The following HMCN1 variants were observed in gnomAD, a reference collection of about 807,000 sequenced individuals.
HMCN1 encodes hemicentin 1.
Under a neutral mutation model 625.9 loss-of-function variants are expected in HMCN1, and 321 were observed. The ratio of observed to expected loss-of-function variants is 0.51; its 90% CI spans 0.47 to 0.56. The LOEUF is 0.56. Among genes scored for constraint, HMCN1 ranks in the 20% least tolerant of loss-of-function variants. The pLI, the probability that HMCN1 is intolerant of heterozygous loss-of-function variation, is 0.00. For missense variants in HMCN1, 6,588 were observed against 6,887.3 expected (o/e 0.96, Z 1.54); for synonymous variants, 2,425 against 2,417.6 (o/e 1.00, Z -0.09).
Position 186,151,622 on chromosome 1 carries a change from G to A in HMCN1, c.14775G>A (p.Lys4925=). 1.2e-6 allele frequency: 2 copies of A among 1,612,652 alleles called. No homozygotes were observed. Among genetic ancestry groups the A allele is most frequent in the Non-Finnish European group, 1.7e-6 (2 of 1,179,000 alleles). ...TTTCTTTAGGTTCAGCAATGAGAAA[G>A]ATAGTTTCTATTCTAAATCCCATTT... The part of the protein sequence containing the change: ...VPRSLGSAMR[K]IVSILNPIYW... Residue 4925 remains lysine, a synonymous_variant, in exon 95 of 107, where the codon AAG becomes AAA. Coordinates refer to ENST00000271588, the MANE Select transcript of HMCN1 (RefSeq NM_031935.3).
chr1:186,019,716 G>A (rs965783092), intron 35 of HMCN1, 21 bp downstream of exon 35: 45 of 1,596,712 alleles, frequency 2.8e-5, no homozygotes, highest in Middle Eastern at 1.7e-4. Context: ...ATATTACTCA[G>A]CCTAAACTGG....
In HMCN1 at chr1:185,933,745, CA is replaced by C. The variant is rs1256640835; in HGVS notation, c.1751del (p.Asn584ThrfsTer33). 2.5e-6 allele frequency: 4 copies of C among 1,613,828 alleles called. No individual in the cohort carries two copies. On this transcript the variant is annotated frameshift_variant, in exon 11 of 107. Transcript: ENST00000271588. LOFTEE classifies it high-confidence loss of function. ...LSLELKSVKF[N>X]DAGEYHCMVS... The stretch of plus-strand genomic sequence containing the variant: ...CATTGGAGCTAAAGAGTGTGAAATT[CA>C]ACGATGCTGGAGAGTATCATTGTAT...
chr1:185,910,904 A>G (rs1288244356), intron 5 of HMCN1, among the ~76,000 whole-genome samples: 1 of 152,122 alleles, frequency 6.6e-6, no homozygotes, highest in Non-Finnish European at 1.5e-5. Context: ...GAAGTAGTCC[A>G]TGGGAAAGTC....
intron 105 of HMCN1, among the ~76,000 whole-genome samples, chr1:186,185,353 C>T (rs1289755136): frequency 6.6e-6 from 1 of 152,124 alleles, no homozygotes; most frequent in Non-Finnish European, 1.5e-5. Flanking sequence ...AATTGAATTT[C>T]ACATTTTTCT....
At chr1:185,830,703 A>G (rs984672979) in intron 1 of HMCN1, among the ~76,000 whole-genome samples, 5 of 152,072 alleles carry the variant, frequency 3.3e-5, no homozygotes, top group Non-Finnish European at 7.4e-5. Flanking sequence ...ACTGGGTCAC[A>G]TGGCAAGACC....
At chr1:186,005,018 T>C (rs1230089695) in intron 29 of HMCN1, among the ~76,000 whole-genome samples, 1 of 151,218 alleles carries the variant, frequency 6.6e-6, no homozygotes, top group African/African-American at 2.5e-5. Context: ...ACACCATTGA[T>C]ATATTAAAAC....
intron 86 of HMCN1, among the ~76,000 whole-genome samples, chr1:186,135,512 C>T (rs1278131479): frequency 6.6e-6 from 1 of 152,134 alleles, no homozygotes; most frequent in African/African-American, 2.4e-5. Context: ...ATATGAATAT[C>T]CCTGTCATGT....
intron 1 of HMCN1, among the ~76,000 whole-genome samples, chr1:185,810,646 T>A (rs1659454225): frequency 7.1e-6 from 1 of 140,422 alleles, no homozygotes; most frequent in Non-Finnish European, 1.5e-5. Context: ...ACTAAATAAA[T>A]ATCAACTTTG....
chr1:186,184,310 A>G (rs1197289636), intron 105 of HMCN1, among the ~76,000 whole-genome samples: 1 of 152,238 alleles, frequency 6.6e-6, no homozygotes, highest in Non-Finnish European at 1.5e-5. Context: ...TGAGGCATTT[A>G]TAAGGAACCA....
chr1:185,964,605 A>C (rs1650262623), intron 13 of HMCN1, among the ~76,000 whole-genome samples: 1 of 152,168 alleles, frequency 6.6e-6, no homozygotes, highest in African/African-American at 2.4e-5. Flanking sequence ...ACAAGTATTG[A>C]ATTGAGAGCC....
intron 39 of HMCN1, among the ~76,000 whole-genome samples, chr1:186,040,242 A>C (rs1376492228): frequency 6.6e-6 from 1 of 152,004 alleles, no homozygotes; most frequent in Non-Finnish European, 1.5e-5. Context: ...TTTAGGTTTA[A>C]ATGTCTTGAA....
chr1:185,951,773 G>A (rs1177652250), intron 11 of HMCN1, among the ~76,000 whole-genome samples: 2 of 151,818 alleles, frequency 1.3e-5, no homozygotes, highest in East Asian at 3.9e-4. Context: ...AAGCTCCTGG[G>A]GGAGGAGGTT....
chr1:185,966,918 C>T lies in HMCN1; in HGVS notation c.2212+1003C>T, dbSNP rs189201526. Among the ~76,000 whole-genome samples the T allele has an allele frequency of 2.5e-3, 381 of 152,092 alleles. 2 individuals are homozygous for T. The highest frequency in any genetic ancestry group is 0.017 in the Middle Eastern group (5 of 294). On this transcript the variant is annotated intron_variant, in intron 14 of 106. Transcript: ENST00000271588. ...GCAAGGTGGAAACTAGGAAGTAATGCCATTTTCCTGGTTGTCCATACTGAA... is the reference window on the plus strand; with the variant it reads ...GCAAGGTGGAAACTAGGAAGTAATGTCATTTTCCTGGTTGTCCATACTGAA...
chr1:185,981,383 A>G (rs1298596221), intron 17 of HMCN1, among the ~76,000 whole-genome samples: 3 of 152,094 alleles, frequency 2.0e-5, no homozygotes, highest in Non-Finnish European at 4.4e-5. Flanking sequence ...TTCCTTTTTT[A>G]CATTTGTTAT....
Position 186,137,667 on chromosome 1 carries a change from A to G in HMCN1, c.13752A>G (p.Pro4584=). The change falls in exon 88 of 107, where the codon CCA becomes CCG. Residue 4584 remains proline, a splice_region_variant and synonymous_variant. Transcript: ENST00000271588. ...GAAACTGTCAAAATAAGCCTTGTCC[A>G]GGTACACCTCCTTATTTAACTGATA... The part of the protein sequence containing the change: ...EMRNCQNKPC[P]VDGSWSEWSL... 1.2e-6 allele frequency: 2 copies of G among 1,614,094 alleles called. No homozygotes were observed. The highest frequency in any genetic ancestry group is 1.7e-6 in the Non-Finnish European group (2 of 1,179,972).
In HMCN1 at chr1:185,770,871, CTA is replaced by C. The variant is rs557044980; in HGVS notation, c.268+35826_268+35827del. 1.5e-3 allele frequency among the ~76,000 whole-genome samples: 227 copies of C among 152,250 alleles called. 2 individuals are homozygous for C. Among genetic ancestry groups the C allele is most frequent in the African/African-American group, 5.3e-3 (221 of 41,550 alleles). On this transcript the variant is annotated intron_variant, in intron 1 of 106. Coordinates refer to ENST00000271588, the MANE Select transcript of HMCN1 (RefSeq NM_031935.3). Reference sequence around the variant, plus strand: ...TAAGGCAGTGTTTGTGGTCACCAGACTATTAGTTAAAGGTAGGACTGTCATAT... The same window carrying C: ...TAAGGCAGTGTTTGTGGTCACCAGACTTAGTTAAAGGTAGGACTGTCATAT...
intron 2 of HMCN1, among the ~76,000 whole-genome samples, chr1:185,861,302 C>T (rs920183915): frequency 6.6e-6 from 1 of 152,084 alleles, no homozygotes; most frequent in African/African-American, 2.4e-5. Flanking sequence ...CATGTTTGGC[C>T]CATAGACAGA....
chr1:186,021,120 C>T (rs1359999841), intron 35 of HMCN1, among the ~76,000 whole-genome samples: 1 of 151,938 alleles, frequency 6.6e-6, no homozygotes, highest in Non-Finnish European at 1.5e-5. Context: ...CATATGTTGG[C>T]CATGCAGATG....
intron 4 of HMCN1, among the ~76,000 whole-genome samples, chr1:185,868,074 A>G (rs1663381539): frequency 6.6e-6 from 1 of 152,054 alleles, no homozygotes; most frequent in Non-Finnish European, 1.5e-5. Flanking sequence ...ATCTAAAAAA[A>G]AAAAATTCCA....
Sources: allele counts gnomAD v4.1 joint callset (sites outside exome capture counted in the v4.1 genomes callset), GRCh38; gene constraint gnomAD v4.1.1; transcripts MANE v1.5; gene names NCBI Gene and HGNC (gene_info 2026-07-23, HGNC 2026-07-21).